KNL1: variants seen among roughly 807,000 people sequenced by gnomAD.
The protein encoded by KNL1 is kinetochore scaffold 1, also known as outer kinetochore KNL1 complex subunit KNL1.
A neutral mutation model predicts 201.3 loss-of-function variants in KNL1; 66 were observed. The observed-to-expected ratio is 0.33, with a 90% CI of 0.27 to 0.40. KNL1 has a LOEUF of 0.40. KNL1 is among the 10% of genes least tolerant of loss of function. KNL1 has a pLI of 1.00. For synonymous variants in KNL1, 895 were observed against 899.2 expected, an observed-to-expected ratio of 1.00 and a Z score of 0.08; for missense variants, 2,815 against 2,690.5, an observed-to-expected ratio of 1.05 and a Z score of -1.02.
chr15:40,639,618 T>A lies in KNL1; in HGVS notation c.5683-1294T>A, dbSNP rs946386910. Reference sequence around the variant, plus strand: ...AAAAAAGGAAAAAAAAAATTTTTTTTAATTAGCCAAGCATGGTGGCTCACA... The same window carrying A: ...AAAAAAGGAAAAAAAAAATTTTTTTAAATTAGCCAAGCATGGTGGCTCACA... On this transcript the variant is annotated intron_variant, in intron 13 of 25. Coordinates refer to ENST00000399668, the MANE Select transcript of KNL1 (RefSeq NM_144508.5). 3.3e-5 allele frequency among the ~76,000 whole-genome samples: 5 copies of A among 151,622 alleles called. No homozygotes were observed. The East Asian group carries it at 5.8e-4, about 18-fold the overall frequency.
In KNL1 at chr15:40,622,900, C is replaced by T. The variant is rs200971468; in HGVS notation, c.2636C>T (p.Thr879Ile). The T allele has an allele frequency of 6.2e-7, 1 of 1,612,302 alleles. No individual in the cohort carries two copies. Among genetic ancestry groups the T allele is most frequent in the Non-Finnish European group, 8.5e-7 (1 of 1,179,038 alleles). The stretch of plus-strand genomic sequence containing the variant: ...GATATGGATATCACTAAGAGTTATA[C>T]AATAGAAATAAACCATAGACCTTTA... ...KNDMDITKSY[T>I]IEINHRPLLE... Residue 879 changes from threonine to isoleucine, a missense_variant, in exon 10 of 26, where the codon ACA becomes ATA. Thr to Ile is a moderately conservative substitution (Grantham distance 89, BLOSUM62 -1). Transcript: ENST00000399668.
intron 1 of KNL1, among the ~76,000 whole-genome samples, chr15:40,601,061 G>T (rs565465740): frequency 1.3e-5 from 2 of 152,330 alleles, no homozygotes; most frequent in South Asian, 2.1e-4. Context: ...CCGTGGAACG[G>T]TATAGGTCCA....
rs1187518273 is a variant in KNL1, at chr15:40,622,153, C to A, written c.1889C>A (p.Ala630Asp). 2 of 1,613,944 alleles carry A rather than the reference C, an allele frequency of 1.2e-6. No individual in the cohort carries two copies. Among genetic ancestry groups the A allele is most frequent in the African/African-American group, 2.7e-5 (2 of 74,918 alleles). Residue 630 changes from alanine (A) to aspartate (D), a missense_variant, in exon 10 of 26, where the codon GCC becomes GAC. By Grantham distance (126) the Ala-to-Asp change is moderately radical. Transcript: ENST00000399668. ...NEPFQRSDII[A>D]KNSLTDTWNK... ...CCATTTCAGCGATCAGACATAATAGCCAAAAACAGCTTAACCGACACCTGG... is the reference window on the plus strand; with the variant it reads ...CCATTTCAGCGATCAGACATAATAGACAAAAACAGCTTAACCGACACCTGG...
Position 40,594,887 on chromosome 15 carries a change from A to T in KNL1, c.-18+495A>T, listed in dbSNP as rs1891579331. ...GCTCGGAGTGCTGGCCGCACGTAAC[A>T]GATTTTTCGTTTTCTGCAAGTATAA... On this transcript the variant is annotated intron_variant, in intron 1 of 25. Coordinates refer to ENST00000399668, the MANE Select transcript of KNL1 (RefSeq NM_144508.5). 2.0e-5 allele frequency among the ~76,000 whole-genome samples: 3 copies of T among 152,270 alleles called. No homozygotes were observed. In the South Asian group the frequency reaches 6.2e-4, roughly 31 times the overall value.
At position 40,622,949 on chromosome 15, in the gene KNL1, G is replaced by T; in HGVS notation, c.2685G>T (p.Leu895Phe). 6.2e-7 allele frequency: 1 copy of T among 1,613,560 alleles called. No homozygotes were observed. The highest frequency in any genetic ancestry group is 8.5e-7 in the Non-Finnish European group (1 of 1,179,742). ...TATTAGAGAAACGTGATTGTCATTT[G>T]GTGCCATTGGCAGGAACTTCTGAAA... Reference protein sequence around the residue: ...RPLLEKRDCHLVPLAGTSETI... With the variant: ...RPLLEKRDCHFVPLAGTSETI... Residue 895 changes from leucine to phenylalanine, a missense_variant, in exon 10 of 26, where the codon TTG becomes TTT. Leu to Phe is a conservative substitution (Grantham distance 22). Coordinates refer to ENST00000399668, the MANE Select transcript of KNL1 (RefSeq NM_144508.5).
In KNL1 at chr15:40,657,031, T is replaced by C. The variant is rs1367862911; in HGVS notation, c.6485-11T>C. On this transcript the variant is annotated splice_polypyrimidine_tract_variant and intron_variant, in intron 22 of 25. Coordinates refer to ENST00000399668, the MANE Select transcript of KNL1 (RefSeq NM_144508.5). ...AATAACCTGCTTTTGCTTTTTTTTT[T>C]CCTTCCCCAGAGGATCAAGCTCCTC... 1.0e-5 allele frequency: 14 copies of C among 1,397,078 alleles called. No individual in the cohort carries two copies. The highest frequency in any genetic ancestry group is 1.5e-5 in the African/African-American group (1 of 68,464). The allele number at this position is 1,397,078 out of a possible 1,614,324, so 86.5% of individuals were successfully genotyped here.
At chr15:40,634,474 T>G (rs1426623685) in intron 13 of KNL1, among the ~76,000 whole-genome samples, 5 of 152,194 alleles carry the variant, frequency 3.3e-5, no homozygotes, top group Admixed American at 6.5e-5. Flanking sequence ...GTGGATTATA[T>G]CTCCATAAAG....
chr15:40,643,824 A>G (rs75826635), intron 14 of KNL1, among the ~76,000 whole-genome samples: 12,781 of 152,252 alleles, frequency 0.084, 548 homozygotes, highest in East Asian at 0.12. Context: ...CTATTCTTCA[A>G]GTGAATAATC....
At chr15:40,656,842 C>T (rs1437811769) in intron 22 of KNL1, among the ~76,000 whole-genome samples, 200 bp from the exon 23 acceptor site, 5 of 151,292 alleles carry the variant, frequency 3.3e-5, no homozygotes, top group East Asian at 2.0e-4. Context: ...GCCAAGATCA[C>T]GCCATGGTAC....
At chr15:40,653,591 T>C (rs561316883) in intron 21 of KNL1, among the ~76,000 whole-genome samples, 10 of 152,344 alleles carry the variant, frequency 6.6e-5, no homozygotes, top group African/African-American at 9.6e-5. Context: ...AACTGGACTT[T>C]ATGGATCTTC....
Position 40,646,973 on chromosome 15 carries a change from TC to T in KNL1, c.6007-13del. 9.0e-7 allele frequency: 1 copy of T among 1,108,306 alleles called. No homozygotes were observed. The highest frequency in any genetic ancestry group is 2.4e-5 in the East Asian group (1 of 42,190). 68.7% of individuals were successfully genotyped at this position (1,108,306 alleles called of 1,614,324 possible). A position where few individuals can be genotyped will look rare whatever the true frequency, so the allele number is the denominator to read the frequency against. On this transcript the variant is annotated splice_polypyrimidine_tract_variant and intron_variant, in intron 16 of 25. Coordinates refer to ENST00000399668, the MANE Select transcript of KNL1 (RefSeq NM_144508.5). ...AGAGGTTTAACTTGACAGTCTATAA[TC>T]TTTTGTATTTAGAATGAGAGGGAGA...
chr15:40,648,404 C>T (rs1307025361), intron 17 of KNL1, among the ~76,000 whole-genome samples: 1 of 151,954 alleles, frequency 6.6e-6, no homozygotes, highest in Non-Finnish European at 1.5e-5. Context: ...TGCACTCCAG[C>T]CTGTGCAACA....
chr15:40,650,562 C>G lies in KNL1; in HGVS notation c.6191C>G (p.Thr2064Ser). ...TCCAAAGAATTGGAACAGCTGAAAA[C>G]TGAAGAAGAGGAGCTTCAAAGGTCA... ...AAEKELEQLKTEEEELQRNLL... is the reference protein window; with the variant it reads ...AAEKELEQLKSEEEELQRNLL... The change falls in exon 19 of 26, where the codon ACT becomes AGT. Residue 2064 changes from threonine to serine, a missense_variant. Around this residue, in one of 3 missense-constraint regions of KNL1, gnomAD observed 334 missense variants for 362.6 expected, o/e 0.92. Transcript: ENST00000399668. 1.9e-6 allele frequency: 3 copies of G among 1,547,738 alleles called. No individual in the cohort carries two copies. The highest frequency in any genetic ancestry group is 1.7e-6 in the Non-Finnish European group (2 of 1,151,606).
intron 4 of KNL1, among the ~76,000 whole-genome samples, chr15:40,608,034 G>A (rs1892030299): frequency 6.6e-6 from 1 of 152,108 alleles, no homozygotes; most frequent in Non-Finnish European, 1.5e-5. Flanking sequence ...TAGCTAGAAG[G>A]TGGAAGCAAC....
At chr15:40,655,590 C>CAAA (rs67088116) in intron 22 of KNL1, among the ~76,000 whole-genome samples, 2 of 90,898 alleles carry the variant, frequency 2.2e-5, no homozygotes, top group Admixed American at 1.3e-4. Flanking sequence ...GGCTCCATCT[C>CAAA]AAAAAAAAAA....
Position 40,622,433 on chromosome 15 carries a change from A to T in KNL1, c.2169A>T (p.Lys723Asn), listed in dbSNP as rs191877105. 3.1e-6 allele frequency: 5 copies of T among 1,613,876 alleles called. No homozygotes were observed. The highest frequency in any genetic ancestry group is 4.2e-6 in the Non-Finnish European group (5 of 1,179,858). ...HDTAISSHTV[K>N]SVLGQNSKLA... ...CTGCTATAAGTAGTCATACAGTGAA[A>T]TCTGTACTAGGCCAGAATTCTAAAC... is the stretch of plus-strand genomic sequence containing the variant. The change falls in exon 10 of 26, where the codon AAA (lysine) becomes AAT (asparagine). Residue 723 changes from lysine to asparagine, a missense_variant. Around this residue, in one of 3 missense-constraint regions of KNL1, gnomAD observed 2,464 missense variants for 2,291.7 expected, o/e 1.08. Coordinates refer to ENST00000399668, the MANE Select transcript of KNL1 (RefSeq NM_144508.5).
intron 2 of KNL1, among the ~76,000 whole-genome samples, chr15:40,603,277 CA>C (rs1891867854): frequency 6.6e-6 from 1 of 152,198 alleles, no homozygotes; most frequent in African/African-American, 2.4e-5. Context: ...TGATGTTCCC[CA>C]ACCCTGTGTC....
chr15:40,602,994 A>G (rs376155379), intron 2 of KNL1, 28 bp downstream of exon 2: 23 of 1,414,538 alleles, frequency 1.6e-5, no homozygotes, highest in Non-Finnish European at 2.2e-5. Context: ...AGCTAAAAAT[A>G]TTATATTCTA....
rs2141775266 is a variant in KNL1 at position 40,663,489 on chromosome 15, T to C, written c.*1301T>C. ...AGATGTACATAGAAATTCATTGAGGTATATAGATACTCATCTGTCTAGGCA... is the reference window on the plus strand; with the variant it reads ...AGATGTACATAGAAATTCATTGAGGCATATAGATACTCATCTGTCTAGGCA... On this transcript the variant is annotated 3_prime_UTR_variant, in exon 26 of 26. Transcript: ENST00000399668. The C allele has an allele frequency of 5.3e-6, 1 of 189,076 alleles. No individual in the cohort carries two copies. Among genetic ancestry groups the C allele is most frequent in the South Asian group, 1.9e-4 (1 of 5,136 alleles). 11.7% of individuals were successfully genotyped at this position (189,076 alleles called of 1,614,324 possible). A position where few individuals can be genotyped will look rare whatever the true frequency, so the allele number is the denominator to read the frequency against.
Sources: allele counts gnomAD v4.1 joint callset (sites outside exome capture counted in the v4.1 genomes callset), GRCh38; gene constraint gnomAD v4.1.1; regional missense constraint gnomAD v4.1.1; transcripts MANE v1.5; gene names NCBI Gene and HGNC (gene_info 2026-07-23, HGNC 2026-07-21).